The following KCNU1 variants were observed in gnomAD, a reference collection of about 807,000 sequenced individuals.
KCNU1 encodes the protein potassium calcium-activated channel subfamily U member 1, also known as potassium channel subfamily U member 1.
KCNU1 carries 93 observed loss-of-function variants against 126.8 expected under a neutral mutation model. The observed-to-expected ratio is 0.73, with a 90% confidence interval of 0.62 to 0.87. The LOEUF (loss-of-function observed/expected upper bound fraction) is 0.87, where lower values mean the gene tolerates loss of function less well. Among genes scored for constraint, KCNU1 ranks in the 40% least tolerant of loss-of-function variants. The pLI is 0.00. For missense variants in KCNU1, 1,330 were observed against 1,367.1 expected (o/e 0.97, Z 0.43); for synonymous variants, 523 against 494.2 (o/e 1.06, Z -0.77).
chr8:36,894,649 A>G (rs1199329109), intron 19 of KCNU1, among the ~76,000 whole-genome samples: 2 of 152,136 alleles, frequency 1.3e-5, no homozygotes, highest in African/African-American at 4.8e-5. Flanking sequence ...CAAGGAGTCA[A>G]GGCAGAGTCT....
chr8:36,868,959 T>A (rs1806005144), intron 19 of KCNU1, among the ~76,000 whole-genome samples: 1 of 152,162 alleles, frequency 6.6e-6, no homozygotes, highest in African/African-American at 2.4e-5. Context: ...TTCTTTACCT[T>A]GGCCATTCCA....
At chr8:36,799,684 G>A (rs192768492) in intron 2 of KCNU1, among the ~76,000 whole-genome samples, 7 of 149,168 alleles carry the variant, frequency 4.7e-5, no homozygotes, top group South Asian at 2.1e-4. Context: ...ACAGGCACAC[G>A]CCACCACACT....
intron 19 of KCNU1, among the ~76,000 whole-genome samples, chr8:36,895,862 C>G (rs2117465908): frequency 6.6e-6 from 1 of 152,046 alleles, no homozygotes; most frequent in South Asian, 2.1e-4. Flanking sequence ...AGGCAAATAT[C>G]AAAAGAAGAA....
rs375751937 is a variant in KCNU1, at chr8:36,892,846, G to GT, written c.2010-12854dup. 2.3e-4 allele frequency among the ~76,000 whole-genome samples: 35 copies of GT among 151,986 alleles called. 1 individual carries two copies. Among genetic ancestry groups the GT allele is most frequent in the Admixed American group, 2.6e-4 (4 of 15,236 alleles). On this transcript the variant is annotated intron_variant, in intron 19 of 26. Transcript: ENST00000399881. ...CCAGAAGAGATTAGGAATACCTCAG[G>GT]TTTTTTTTCCCCTGGGTGTATTTAC...
intron 16 of KCNU1, among the ~76,000 whole-genome samples, chr8:36,842,589 T>A (rs1367207783): frequency 1.3e-5 from 2 of 152,236 alleles, no homozygotes; most frequent in East Asian, 3.8e-4. Flanking sequence ...GGTTTCAGAC[T>A]GGCCCAAAAT....
intron 10 of KCNU1, among the ~76,000 whole-genome samples, chr8:36,825,039 T>C (rs1461623484): frequency 1.3e-5 from 2 of 152,198 alleles, no homozygotes; most frequent in Admixed American, 6.5e-5. Context: ...TTGTCCGAAA[T>C]GATATGAACA....
intron 19 of KCNU1, among the ~76,000 whole-genome samples, chr8:36,881,271 T>A (rs1348889029): frequency 1.3e-5 from 2 of 152,226 alleles, no homozygotes. Context: ...TGAGACAGCA[T>A]CTTGCTCTGT....
In KCNU1 at chr8:36,910,934, G is replaced by A. The variant is rs759959026; in HGVS notation, c.2336G>A (p.Cys779Tyr). ...NFPQIYILPGCALYSGDLHAA... is the reference protein window; with the variant it reads ...NFPQIYILPGYALYSGDLHAA... Reference sequence around the variant, plus strand: ...TCTCTCTTTTCCTCTCATTAGGGATGTGCACTTTATTCTGGAGACCTCCAT... The same window carrying A: ...TCTCTCTTTTCCTCTCATTAGGGATATGCACTTTATTCTGGAGACCTCCAT... The change falls in exon 22 of 27, where the codon TGT becomes TAT. Residue 779 changes from cysteine (C) to tyrosine (Y), a missense_variant. Around this residue, in one of 3 missense-constraint regions of KCNU1, gnomAD observed 1,054 missense variants for 1,053.9 expected, o/e 1.00. Transcript: ENST00000399881. 3.1e-6 allele frequency: 5 copies of A among 1,606,522 alleles called. No individual in the cohort carries two copies. Among genetic ancestry groups the A allele is most frequent in the Non-Finnish European group, 4.3e-6 (5 of 1,174,764 alleles).
intron 9 of KCNU1, 54 bp downstream of exon 9, chr8:36,815,741 A>G: frequency 9.7e-7 from 1 of 1,032,720 alleles, no homozygotes; most frequent in East Asian, 2.5e-5. Context: ...TATTAGCCAT[A>G]TATCTCGTTC....
At chr8:36,824,731 T>A (rs1319257903) in intron 10 of KCNU1, among the ~76,000 whole-genome samples, 5 of 152,202 alleles carry the variant, frequency 3.3e-5, no homozygotes, top group Non-Finnish European at 7.4e-5. Flanking sequence ...TTCCTGTTTT[T>A]TTAAATGTGT....
intron 10 of KCNU1, among the ~76,000 whole-genome samples, chr8:36,828,888 C>T (rs986762947): frequency 6.6e-6 from 1 of 152,010 alleles, no homozygotes; most frequent in Non-Finnish European, 1.5e-5. Context: ...GTGTAAGAGA[C>T]TTCACACATA....
chr8:36,873,843 C>T (rs1162859558), intron 19 of KCNU1, among the ~76,000 whole-genome samples: 1 of 152,162 alleles, frequency 6.6e-6, no homozygotes, highest in Non-Finnish European at 1.5e-5. Flanking sequence ...GAAGATTGTG[C>T]TGACTTGTTA....
At chr8:36,856,467 T>A (rs531003560) in intron 18 of KCNU1, among the ~76,000 whole-genome samples, 5 of 152,232 alleles carry the variant, frequency 3.3e-5, no homozygotes, top group Non-Finnish European at 5.9e-5. Flanking sequence ...GGCTAGTGAC[T>A]TGGCTGAACT....
At chr8:36,903,916 T>C (rs1385451417) in intron 19 of KCNU1, among the ~76,000 whole-genome samples, 1 of 152,050 alleles carries the variant, frequency 6.6e-6, no homozygotes, top group Admixed American at 6.6e-5. Flanking sequence ...TCACTCACTA[T>C]CACCAGACCA....
At chr8:36,889,938 ATAAG>A (rs978389619) in intron 19 of KCNU1, among the ~76,000 whole-genome samples, 6 of 152,280 alleles carry the variant, frequency 3.9e-5, no homozygotes, top group African/African-American at 1.4e-4. Context: ...GTCAGAAACC[ATAAG>A]TAAGAACAGA....
intron 2 of KCNU1, chr8:36,795,913 C>T (rs755683391): frequency 6.6e-6 from 1 of 152,278 alleles, no homozygotes; most frequent in East Asian, 1.9e-4. Context: ...GACAGCACCA[C>T]AAGCCCAGGC....
rs548848929 is a variant in KCNU1, at chr8:36,930,891, C to T, written c.2737-60C>T. 1,432 of 1,232,350 alleles carry T rather than the reference C, an allele frequency of 1.2e-3. 21 individuals carry two copies. In the African/African-American group the frequency reaches 0.02, roughly 17 times the overall value. 76.3% of individuals were successfully genotyped at this position (1,232,350 alleles called of 1,614,324 possible). ...CCCACTAAATCTCCAAGCCTTTACC[C>T]CTCCACAGTTCACATATTGGCTCTT... is the stretch of plus-strand genomic sequence containing the variant. On this transcript the variant is annotated intron_variant, in intron 24 of 26. Coordinates refer to ENST00000399881, the MANE Select transcript of KCNU1 (RefSeq NM_001031836.3).
chr8:36,826,436 C>T (rs1383976349), intron 10 of KCNU1, among the ~76,000 whole-genome samples: 1 of 152,058 alleles, frequency 6.6e-6, no homozygotes, highest in Admixed American at 6.5e-5. Flanking sequence ...TCTCCAACTC[C>T]TGACCTCAAG....
chr8:36,884,391 G>C (rs1286897266), intron 19 of KCNU1, among the ~76,000 whole-genome samples: 1 of 152,106 alleles, frequency 6.6e-6, no homozygotes, highest in South Asian at 2.1e-4. Flanking sequence ...TACTGAAAGG[G>C]GAGTTTTCAG....
Sources: gnomAD v4.1 joint callset for allele counts (sites outside exome capture counted in the v4.1 genomes callset) on GRCh38, gnomAD v4.1.1 for gene constraint, gnomAD v4.1.1 regional missense constraint, MANE v1.5 for transcripts, NCBI Gene and HGNC (gene_info 2026-07-23, HGNC 2026-07-21) for gene names.